Variants in PCDHA6 observed in about 807,000 individuals in gnomAD.
The protein encoded by PCDHA6 is protocadherin alpha-6.
PCDHA6 carries 55 observed loss-of-function variants against 60.3 expected under a neutral mutation model. The ratio of observed to expected loss-of-function variants is 0.91; its 90% confidence interval spans 0.73 to 1.14. The LOEUF (loss-of-function observed/expected upper bound fraction) is 1.14, where lower values mean the gene tolerates loss of function less well. PCDHA6 is among the 50% of genes most tolerant of loss of function. The probability of loss-of-function intolerance (pLI) is 0.00; values close to 1 mark genes in which losing one functional copy is unlikely to be tolerated. For missense variants in PCDHA6, 1,327 were observed against 1,256.5 expected (o/e 1.06, Z -0.85); for synonymous variants, 652 against 557.9 (o/e 1.17, Z -2.38).
chr5:140,884,384 G>T (rs782701367), intron 1 of PCDHA6: 1 of 1,613,972 alleles, frequency 6.2e-7, no homozygotes. Flanking sequence ...TGCCATCTGC[G>T]CGGTGTCCAG....
intron 1 of PCDHA6, among the ~76,000 whole-genome samples, chr5:140,938,625 T>G (rs2092136082): frequency 6.6e-6 from 1 of 152,220 alleles, no homozygotes; most frequent in African/African-American, 2.4e-5. Flanking sequence ...AAACTCAGGT[T>G]GCTTATGATG....
chr5:140,883,686 A>G (rs1380292802), intron 1 of PCDHA6: 1 of 1,613,664 alleles, frequency 6.2e-7, no homozygotes, highest in East Asian at 2.2e-5. Flanking sequence ...CCGGGCTGCC[A>G]CATCTTCACG....
Position 140,968,523 on chromosome 5 carries a change from A to T in PCDHA6, c.2395-10426A>T, listed in dbSNP as rs1441549667. ...CACATTCTGTACCCTACCTCAACCA[A>T]CTCGTCAGCAGCCTTCGAGATGGTG... On this transcript the variant is annotated intron_variant, in intron 1 of 3. Coordinates refer to ENST00000529310, the MANE Select transcript of PCDHA6 (RefSeq NM_018909.4). The T allele has an allele frequency of 1.3e-5, 21 of 1,613,762 alleles. No individual in the cohort carries two copies. Among genetic ancestry groups the T allele is most frequent in the Non-Finnish European group, 1.8e-5 (21 of 1,179,980 alleles).
chr5:140,877,515 G>A (rs371100299), intron 1 of PCDHA6: 177 of 1,613,796 alleles, frequency 1.1e-4, no homozygotes, highest in Admixed American at 4.8e-4. Context: ...CGTCGTCGCG[G>A]GCCTCAGTGG....
intron 1 of PCDHA6, chr5:140,858,387 T>C (rs1260966424): frequency 1.9e-6 from 3 of 1,582,118 alleles, no homozygotes; most frequent in Admixed American, 1.8e-5. Flanking sequence ...TGCCCAATGG[T>C]AGATGTGGAC....
At chr5:140,883,952 G>C (rs782014250) in intron 1 of PCDHA6, 17 of 1,613,030 alleles carry the variant, frequency 1.1e-5, no homozygotes, top group Non-Finnish European at 1.4e-5. Context: ...GAACGACAAC[G>C]CTCCGGCGCT....
chr5:140,890,737 T>C (rs926717911), intron 1 of PCDHA6, among the ~76,000 whole-genome samples: 1 of 152,240 alleles, frequency 6.6e-6, no homozygotes. Flanking sequence ...TTGACTTATA[T>C]ACTATTTCTG....
intron 1 of PCDHA6, chr5:140,929,563 G>A: frequency 2.1e-6 from 1 of 470,088 alleles, no homozygotes; most frequent in Non-Finnish European, 3.6e-6. Context: ...ACCTATTTAA[G>A]AACAATAAAA....
chr5:140,862,489 C>T (rs1385240823), intron 1 of PCDHA6: 1 of 384,600 alleles, frequency 2.6e-6, no homozygotes, highest in Non-Finnish European at 5.2e-6. Context: ...TGTTGGTAAT[C>T]GCTCGGAATG....
Position 140,856,266 on chromosome 5 carries a change from T to C in PCDHA6, c.2394+25781T>C, listed in dbSNP as rs1581394564. On this transcript the variant is annotated intron_variant, in intron 1 of 3. Coordinates refer to ENST00000529310, the MANE Select transcript of PCDHA6 (RefSeq NM_018909.4). ...GTGGCGTCCAAAAGACACGGGGACC[T>C]TCTGGAGGTAAATCTGCAGAATGGC... 7 of 1,598,200 alleles carry C rather than the reference T, an allele frequency of 4.4e-6. No homozygotes were observed. The East Asian group carries it at 1.6e-4, about 36-fold the overall frequency.
chr5:140,862,256 A>C (rs2047276539), intron 1 of PCDHA6: 1 of 223,718 alleles, frequency 4.5e-6, no homozygotes, highest in Non-Finnish European at 8.9e-6. Context: ...TTCCAGAGTT[A>C]GCAGTAAGTC....
chr5:140,968,567 G>A (rs1586307422), intron 1 of PCDHA6: 1 of 1,614,156 alleles, frequency 6.2e-7, no homozygotes, highest in East Asian at 2.2e-5. Flanking sequence ...TGCCCCTGCT[G>A]GCTACCTGGT....
intron 1 of PCDHA6, among the ~76,000 whole-genome samples, chr5:140,924,889 T>C (rs1554202242): frequency 8.9e-6 from 1 of 112,122 alleles, no homozygotes; most frequent in Non-Finnish European, 1.8e-5. Flanking sequence ...AGCAAGAACC[T>C]GTCTCAAAAA....
intron 3 of PCDHA6, among the ~76,000 whole-genome samples, chr5:141,001,514 C>A (rs2098022369): frequency 6.6e-6 from 1 of 152,210 alleles, no homozygotes; most frequent in Admixed American, 6.5e-5. Flanking sequence ...GCTTAGCTTT[C>A]TCCCTCTCTC....
chr5:140,969,047 A>C, intron 1 of PCDHA6: 1 of 1,614,152 alleles, frequency 6.2e-7, no homozygotes, highest in Non-Finnish European at 8.5e-7. Flanking sequence ...CAAACAAGCC[A>C]ACAACAATAT....
In PCDHA6 at chr5:140,884,801, A is replaced by AT. The variant is rs2060359948; in HGVS notation, c.2394+54316_2394+54317insT. 5 of 1,250,206 alleles carry AT rather than the reference A, an allele frequency of 4.0e-6. No individual in the cohort carries two copies. In the South Asian group the frequency reaches 8.8e-5, roughly 22 times the overall value. 77.4% of individuals were successfully genotyped at this position (1,250,206 alleles called of 1,614,324 possible). A position where few individuals can be genotyped will look rare whatever the true frequency, so the allele number is the denominator to read the frequency against. On this transcript the variant is annotated intron_variant, in intron 1 of 3. Coordinates refer to ENST00000529310, the MANE Select transcript of PCDHA6 (RefSeq NM_018909.4). ...TTTGCTAGTTGTTATCGAATTTAACAACTCTGCTGTGGACATTATGTGTTG... is the reference window on the plus strand; with the variant it reads ...TTTGCTAGTTGTTATCGAATTTAACATACTCTGCTGTGGACATTATGTGTTG...
chr5:140,858,149 G>T, intron 1 of PCDHA6: 1 of 1,597,572 alleles, frequency 6.3e-7, no homozygotes, highest in Non-Finnish European at 8.6e-7. Flanking sequence ...CCTGATCATC[G>T]CCATCTGCGC....
At chr5:140,833,144 G>A (rs1580756021) in intron 1 of PCDHA6, among the ~76,000 whole-genome samples, 1 of 152,142 alleles carries the variant, frequency 6.6e-6, no homozygotes, top group South Asian at 2.1e-4. Context: ...AAAGTGTGAA[G>A]CAATACGAAT....
Position 140,841,358 on chromosome 5 carries a change from C to T in PCDHA6, c.2394+10873C>T, listed in dbSNP as rs2150314140. 4 of 1,612,986 alleles carry T rather than the reference C, an allele frequency of 2.5e-6. No individual in the cohort carries two copies. In the South Asian group the frequency reaches 4.4e-5, roughly 18 times the overall value. ...CTGGCGAGGAGAGCTGGGATCCTGG[C>T]GACTACTACTCTTGCTTCTGCTCCT... On this transcript the variant is annotated intron_variant, in intron 1 of 3. Transcript: ENST00000529310.
Sources: gnomAD v4.1 joint callset for allele counts (sites outside exome capture counted in the v4.1 genomes callset) on GRCh38, gnomAD v4.1.1 for gene constraint, MANE v1.5 for transcripts, NCBI Gene and HGNC (gene_info 2026-07-23, HGNC 2026-07-21) for gene names.